Variants in SARAF observed in about 807,000 individuals in gnomAD.
The protein encoded by SARAF is store-operated calcium entry associated regulatory factor, also known as store-operated calcium entry-associated regulatory factor.
A neutral mutation model predicts 39.7 loss-of-function variants in SARAF; 23 were observed. The ratio of observed to expected loss-of-function variants is 0.58; its 90% confidence interval spans 0.42 to 0.82. The LOEUF is 0.82. Ranked by LOEUF, SARAF falls within the 40% of genes least tolerant of loss-of-function variation. The probability of loss-of-function intolerance (pLI) is 0.00; values close to 1 mark genes in which losing one functional copy is unlikely to be tolerated. For missense variants in SARAF, 384 were observed against 418.5 expected (o/e 0.92, Z 0.72); for synonymous variants, 175 against 168.5 (o/e 1.04, Z -0.30).
intron 4 of SARAF, 141 bp downstream of exon 4, chr8:30,066,636 T>C: frequency 2.0e-6 from 2 of 1,009,964 alleles, no homozygotes; most frequent in East Asian, 2.5e-5. Context: ...ATAGTGTACC[T>C]TCCCCCTTCC....
intron 1 of SARAF, among the ~76,000 whole-genome samples, chr8:30,076,925 T>C (rs60479216): frequency 0.071 from 10,853 of 152,116 alleles, 450 homozygotes; most frequent in African/African-American, 0.11. Context: ...TACAGTAACA[T>C]TAAACAGACA....
chr8:30,079,743 C>T (rs1802056252), intron 1 of SARAF, among the ~76,000 whole-genome samples: 1 of 152,168 alleles, frequency 6.6e-6, no homozygotes. Flanking sequence ...AATTTATTAT[C>T]TGGCTGAGTA....
In SARAF at chr8:30,083,006, C is replaced by G; in HGVS notation, c.-57G>C. 1.5e-6 allele frequency: 2 copies of G among 1,339,598 alleles called. No homozygotes were observed. The highest frequency in any genetic ancestry group is 1.0e-6 in the Non-Finnish European group (1 of 983,894). 83.0% of individuals were successfully genotyped at this position (1,339,598 alleles called of 1,614,324 possible). ...GACGCCTACGGGCCGAACCTGGGTGCGGTAGCGCGCGCGACGCTGCGCAGC... is the reference window on the plus strand; with the variant it reads ...GACGCCTACGGGCCGAACCTGGGTGGGGTAGCGCGCGCGACGCTGCGCAGC... On this transcript the variant is annotated 5_prime_UTR_variant, in exon 1 of 6. Coordinates refer to ENST00000256255, the MANE Select transcript of SARAF (RefSeq NM_016127.6).
At chr8:30,067,198 A>C in intron 3 of SARAF, 1 of 345,248 alleles carries the variant, frequency 2.9e-6, no homozygotes, top group Middle Eastern at 9.5e-4. Flanking sequence ...GCTACTAGAA[A>C]ATCACCCCAC....
intron 2 of SARAF, among the ~76,000 whole-genome samples, chr8:30,072,479 T>C (rs1801869065): frequency 3.9e-5 from 6 of 152,230 alleles, no homozygotes; most frequent in Admixed American, 3.9e-4. Flanking sequence ...TACACTGTTT[T>C]TAAAATAATT....
At chr8:30,069,520 A>G in intron 3 of SARAF, 122 bp downstream of exon 3, 1 of 1,058,646 alleles carries the variant, frequency 9.4e-7, no homozygotes, top group East Asian at 2.4e-5. Flanking sequence ...AAAGTAAAAA[A>G]CAAAATGAGA....
chr8:30,067,051 A>G, intron 3 of SARAF, 133 bp from the exon 4 acceptor site: 1 of 923,930 alleles, frequency 1.1e-6, no homozygotes, highest in African/African-American at 1.7e-5. Context: ...GTTATTAACA[A>G]GTTGTATTCA....
At chr8:30,080,405 C>G (rs1802070636) in intron 1 of SARAF, among the ~76,000 whole-genome samples, 1 of 152,228 alleles carries the variant, frequency 6.6e-6, no homozygotes, top group Admixed American at 6.5e-5. Flanking sequence ...AAATGTCACC[C>G]TAACAGTGAC....
chr8:30,080,911 G>A (rs545052094), intron 1 of SARAF, among the ~76,000 whole-genome samples: 9 of 152,254 alleles, frequency 5.9e-5, no homozygotes, highest in South Asian at 2.1e-4. Flanking sequence ...AGGCCAAGGC[G>A]GGCGGATCAC....
intron 1 of SARAF, among the ~76,000 whole-genome samples, chr8:30,077,439 CCT>C (rs1325157733): frequency 6.6e-6 from 1 of 151,792 alleles, no homozygotes; most frequent in African/African-American, 2.4e-5. Flanking sequence ...AGAGTGAGAC[CCT>C]GTCACAAAAC....
intron 1 of SARAF, among the ~76,000 whole-genome samples, chr8:30,077,613 C>A (rs556026296): frequency 6.6e-6 from 1 of 151,744 alleles, no homozygotes; most frequent in Non-Finnish European, 1.5e-5. Flanking sequence ...ACCATCCTGG[C>A]GAACACGGTG....
intron 1 of SARAF, among the ~76,000 whole-genome samples, chr8:30,074,989 T>C (rs2117436648): frequency 6.6e-6 from 1 of 152,314 alleles, no homozygotes; most frequent in South Asian, 2.1e-4. Flanking sequence ...AAATTATGTC[T>C]GGCATTCATG....
At chr8:30,077,403 G>A (rs931802098) in intron 1 of SARAF, among the ~76,000 whole-genome samples, 4 of 152,154 alleles carry the variant, frequency 2.6e-5, no homozygotes, top group African/African-American at 9.7e-5. Flanking sequence ...AGGCTGCAGT[G>A]AGCCATGCAC....
intron 1 of SARAF, among the ~76,000 whole-genome samples, chr8:30,077,685 C>T (rs1469050010): frequency 6.6e-6 from 1 of 151,554 alleles, no homozygotes; most frequent in Non-Finnish European, 1.5e-5. Flanking sequence ...GCCTGTAGTC[C>T]CAGCTACTCG....
chr8:30,067,884 T>C (rs1003133352), intron 3 of SARAF, among the ~76,000 whole-genome samples: 1 of 152,212 alleles, frequency 6.6e-6, no homozygotes, highest in Admixed American at 6.5e-5. Flanking sequence ...TACATAGGAA[T>C]AGAATTGGGT....
chr8:30,070,086 T>C, intron 2 of SARAF, 27 bp from the exon 3 acceptor site: 7 of 1,496,208 alleles, frequency 4.7e-6, no homozygotes, highest in Non-Finnish European at 5.4e-6. Flanking sequence ...AAACAGACTA[T>C]TAGAAACAAA....
chr8:30,071,025 A>G (rs1207648792), intron 2 of SARAF, among the ~76,000 whole-genome samples: 3 of 152,196 alleles, frequency 2.0e-5, no homozygotes, highest in Non-Finnish European at 4.4e-5. Flanking sequence ...GGAAAAAGCA[A>G]TATGCTTCTT....
At chr8:30,067,426 G>A (rs1801716300) in intron 3 of SARAF, among the ~76,000 whole-genome samples, 1 of 152,128 alleles carries the variant, frequency 6.6e-6, no homozygotes, top group African/African-American at 2.4e-5. Flanking sequence ...AAGAAAGTGT[G>A]CTAATCTTAC....
chr8:30,079,639 T>C (rs1046380179), intron 1 of SARAF, among the ~76,000 whole-genome samples: 3 of 152,344 alleles, frequency 2.0e-5, no homozygotes, highest in African/African-American at 7.2e-5. Flanking sequence ...GGCTGTGACT[T>C]TGGCCAAGGC....
Sources: gnomAD v4.1 joint callset for allele counts (sites outside exome capture counted in the v4.1 genomes callset) on GRCh38, gnomAD v4.1.1 for gene constraint, MANE v1.5 for transcripts, NCBI Gene and HGNC (gene_info 2026-07-23, HGNC 2026-07-21) for gene names.